TNS3: variants seen among roughly 807,000 people sequenced by gnomAD.
TNS3 encodes tensin 3, also known as tensin-3.
Under a neutral mutation model 140.9 loss-of-function variants are expected in TNS3, and 45 were observed. The ratio of observed to expected loss-of-function variants is 0.32; its 90% CI spans 0.25 to 0.41. The LOEUF is 0.41. Ranked by LOEUF, TNS3 falls within the 10% of genes least tolerant of loss-of-function variation. TNS3 has a pLI of 1.00. For missense variants in TNS3, 1,716 were observed against 1,906.7 expected, an observed-to-expected ratio of 0.90 and a Z score of 1.86; for synonymous variants, 815 against 788.4, an observed-to-expected ratio of 1.03 and a Z score of -0.56.
At chr7:47,562,882 C>T (rs948465977) in intron 1 of TNS3, among the ~76,000 whole-genome samples, 2 of 152,188 alleles carry the variant, frequency 1.3e-5, no homozygotes, top group African/African-American at 4.8e-5. Context: ...TGGGTAAGAA[C>T]AGCATGGATA....
intron 2 of TNS3, among the ~76,000 whole-genome samples, chr7:47,514,740 G>T (rs913124040): frequency 6.6e-6 from 1 of 152,094 alleles, no homozygotes; most frequent in African/African-American, 2.4e-5. Flanking sequence ...CTCAAATGGG[G>T]AGCATTTATG....
intron 3 of TNS3, among the ~76,000 whole-genome samples, chr7:47,490,278 A>G (rs1797762672): frequency 6.6e-6 from 1 of 152,234 alleles, no homozygotes; most frequent in African/African-American, 2.4e-5. Context: ...AATTAATAAT[A>G]AAGTAATAAA....
At chr7:47,521,505 G>A (rs1798978480) in intron 2 of TNS3, among the ~76,000 whole-genome samples, 5 of 152,210 alleles carry the variant, frequency 3.3e-5, no homozygotes, top group African/African-American at 1.2e-4. Flanking sequence ...TGCCTCCTGG[G>A]CTCCAGCTGA....
chr7:47,501,279 C>T (rs1490862529), intron 3 of TNS3, among the ~76,000 whole-genome samples: 1 of 152,138 alleles, frequency 6.6e-6, no homozygotes, highest in South Asian at 2.1e-4. Flanking sequence ...TCAGATCATT[C>T]ATTCCTAGTG....
chr7:47,275,455 G>A lies in TNS3; in HGVS notation c.*2621C>T, dbSNP rs553344163. On this transcript the variant is annotated 3_prime_UTR_variant, in exon 31 of 31. Coordinates refer to ENST00000311160, the MANE Select transcript of TNS3 (RefSeq NM_022748.12). ...CTATAACATGCGTTGGGCACAGTTCGTGAACTCTCCGCATTTACTCCCCAG... is the reference window on the plus strand; with the variant it reads ...CTATAACATGCGTTGGGCACAGTTCATGAACTCTCCGCATTTACTCCCCAG... 2.1e-4 allele frequency: 46 copies of A among 214,520 alleles called. 1 individual carries two copies. Among genetic ancestry groups the A allele is most frequent in the East Asian group, 1.1e-3 (8 of 7,460 alleles). The allele number at this position is 214,520 out of a possible 1,614,324, so 13.3% of individuals were successfully genotyped here.
Position 47,391,129 on chromosome 7 carries a change from C to T in TNS3, c.1024+5671G>A, listed in dbSNP as rs1329608085. 2.6e-5 allele frequency among the ~76,000 whole-genome samples: 4 copies of T among 152,208 alleles called. No homozygotes were observed. The East Asian group carries it at 5.8e-4, about 22-fold the overall frequency. ...TTCCACCCCGTGAATATGTGCTGCT[C>T]GCCTATGCCCCATGCCCAGGGCTAG... On this transcript the variant is annotated intron_variant, in intron 16 of 30. Coordinates refer to ENST00000311160, the MANE Select transcript of TNS3 (RefSeq NM_022748.12).
chr7:47,484,505 T>C (rs113143008), intron 3 of TNS3, among the ~76,000 whole-genome samples: 2 of 152,308 alleles, frequency 1.3e-5, no homozygotes, highest in South Asian at 4.2e-4. Flanking sequence ...GCGGCCGGGC[T>C]GGGGATGCTC....
chr7:47,371,515 G>T (rs2151165665), intron 16 of TNS3, among the ~76,000 whole-genome samples: 1 of 152,266 alleles, frequency 6.6e-6, no homozygotes, highest in Admixed American at 6.5e-5. Flanking sequence ...CACCAGGAGG[G>T]CACACACCTG....
chr7:47,329,646 C>A (rs1459852612), intron 20 of TNS3, among the ~76,000 whole-genome samples: 1 of 152,188 alleles, frequency 6.6e-6, no homozygotes, highest in Non-Finnish European at 1.5e-5. Context: ...GCAAATGATG[C>A]TGTCGGAAAT....
chr7:47,561,858 G>A (rs1800325035), intron 1 of TNS3, among the ~76,000 whole-genome samples: 1 of 152,166 alleles, frequency 6.6e-6, no homozygotes, highest in African/African-American at 2.4e-5. Context: ...CTGCTAAGAA[G>A]CAGGACTATG....
chr7:47,563,449 A>G (rs1345330850), intron 1 of TNS3, among the ~76,000 whole-genome samples: 1 of 152,182 alleles, frequency 6.6e-6, no homozygotes, highest in African/African-American at 2.4e-5. Flanking sequence ...GTCCTGAGCT[A>G]GTCAACCATG....
chr7:47,478,458 A>G (rs1267190409), intron 4 of TNS3, among the ~76,000 whole-genome samples: 1 of 151,896 alleles, frequency 6.6e-6, no homozygotes, highest in Non-Finnish European at 1.5e-5. Flanking sequence ...ATAAACTGAC[A>G]TACATAATAA....
intron 27 of TNS3, among the ~76,000 whole-genome samples, chr7:47,289,176 A>G (rs1200554919): frequency 6.6e-6 from 1 of 152,230 alleles, no homozygotes; most frequent in Non-Finnish European, 1.5e-5. Context: ...ATTGTAGAGG[A>G]AATAAGAAAA....
Position 47,278,075 on chromosome 7 carries a change from C to A in TNS3, c.*1G>T. 1 of 1,614,018 alleles carries A rather than the reference C, an allele frequency of 6.2e-7. No individual in the cohort carries two copies. Among genetic ancestry groups the A allele is most frequent in the Non-Finnish European group, 8.5e-7 (1 of 1,179,918 alleles). On this transcript the variant is annotated 3_prime_UTR_variant, in exon 31 of 31. Transcript: ENST00000311160. The stretch of plus-strand genomic sequence containing the variant: ...GTGGGTCCAGGGAGGGAGGGGAGTT[C>A]TCAGACCTTCTTTGGGGAACCAATC...
At chr7:47,503,952 C>T (rs1347452925) in intron 3 of TNS3, among the ~76,000 whole-genome samples, 3 of 152,254 alleles carry the variant, frequency 2.0e-5, no homozygotes, top group South Asian at 4.1e-4. Flanking sequence ...ACTCCACCCT[C>T]GCGACCTAAT....
At chr7:47,386,174 A>C (rs534888526) in intron 16 of TNS3, among the ~76,000 whole-genome samples, 1 of 152,370 alleles carries the variant, frequency 6.6e-6, no homozygotes, top group South Asian at 2.1e-4. Context: ...ATAAAGAAAC[A>C]CTAAACACAT....
intron 13 of TNS3, among the ~76,000 whole-genome samples, chr7:47,411,293 A>G (rs1482596778): frequency 6.6e-6 from 1 of 152,232 alleles, no homozygotes; most frequent in Non-Finnish European, 1.5e-5. Flanking sequence ...GTGGTCACCA[A>G]TCTTTTTGGC....
intron 2 of TNS3, among the ~76,000 whole-genome samples, chr7:47,522,591 T>C (rs910904209): frequency 8.5e-5 from 13 of 152,190 alleles, no homozygotes; most frequent in Admixed American, 2.0e-4. Context: ...AAAACAATCA[T>C]GTCTAAAAGA....
chr7:47,582,127 C>CCGTCCTCCTGGCTGGCT (rs936009914), upstream of TNS3: 12 of 151,756 alleles, frequency 7.9e-5, no homozygotes, highest in African/African-American at 2.9e-4. Context: ...GCGGGCGGGC[C>CCGTCCTCCTGGCTGGCT]CGTCCTCCTG....
Sources: gnomAD v4.1 joint callset for allele counts (sites outside exome capture counted in the v4.1 genomes callset) on GRCh38, gnomAD v4.1.1 for gene constraint, MANE v1.5 for transcripts, NCBI Gene and HGNC (gene_info 2026-07-23, HGNC 2026-07-21) for gene names.